Variants in STIM1 observed in about 807,000 individuals in gnomAD.
STIM1 encodes the protein stromal interaction molecule 1.
STIM1 carries 25 observed loss-of-function variants against 74.7 expected under a neutral mutation model. The observed-to-expected ratio is 0.33, with a 90% CI of 0.24 to 0.47. STIM1 has a LOEUF of 0.47. STIM1 is among the 20% of genes least tolerant of loss of function. The probability of loss-of-function intolerance (pLI) is 1.00; values close to 1 mark genes in which losing one functional copy is unlikely to be tolerated. For missense variants in STIM1, 728 were observed against 920.8 expected, an observed-to-expected ratio of 0.79 and a Z score of 2.71; for synonymous variants, 328 against 348.8, an observed-to-expected ratio of 0.94 and a Z score of 0.66.
intron 2 of STIM1, among the ~76,000 whole-genome samples, chr11:4,000,169 C>G (rs1350975829): frequency 6.7e-6 from 1 of 149,300 alleles, no homozygotes; most frequent in Admixed American, 6.7e-5. Flanking sequence ...CACAGACAAA[C>G]AAAAAGACAG....
chr11:4,082,249 G>A lies in STIM1; in HGVS notation c.1035G>A (p.Glu345=), dbSNP rs1409158034. 6.2e-7 allele frequency: 1 copy of A among 1,614,082 alleles called. No homozygotes were observed. The highest frequency in any genetic ancestry group is 1.1e-5 in the South Asian group (1 of 91,086). The change falls in exon 8 of 13, where the codon GAG becomes GAA. Residue 345 remains glutamate (E), a synonymous_variant. Coordinates refer to ENST00000526596, the MANE Select transcript of STIM1 (RefSeq NM_001382567.1). ...CTCACAGCTCATGGTATGCTCCAGA[G>A]GCCCTTCAGAAGTGGCTGCAGCTGA... ...LESHSSWYAP[E]ALQKWLQLTH...
intron 3 of STIM1, among the ~76,000 whole-genome samples, chr11:4,045,453 AT>A (rs568849786): frequency 0.015 from 2,080 of 142,604 alleles, 27 homozygotes; most frequent in African/African-American, 0.039. Flanking sequence ...TTCCATCAGC[AT>A]TTTTTTTTTT....
intron 5 of STIM1, among the ~76,000 whole-genome samples, chr11:4,063,361 T>C (rs1248972160): frequency 1.3e-5 from 2 of 152,216 alleles, no homozygotes; most frequent in African/African-American, 4.8e-5. Flanking sequence ...ATAATTGCAT[T>C]TTTTACAAGT....
At chr11:3,949,644 AG>A (rs753001156) in intron 1 of STIM1, among the ~76,000 whole-genome samples, 17 of 152,206 alleles carry the variant, frequency 1.1e-4, no homozygotes, top group Non-Finnish European at 1.9e-4. Flanking sequence ...ATCACTGTTA[AG>A]GGAGTTTGGG....
chr11:3,876,206 G>A (rs2135295286), intron 1 of STIM1, among the ~76,000 whole-genome samples: 1 of 152,292 alleles, frequency 6.6e-6, no homozygotes, highest in East Asian at 1.9e-4. Flanking sequence ...CTTAGTGGGT[G>A]GCTGGAGCCA....
intron 2 of STIM1, among the ~76,000 whole-genome samples, chr11:4,004,434 T>C (rs2093755531): frequency 6.6e-6 from 1 of 150,870 alleles, no homozygotes; most frequent in Non-Finnish European, 1.5e-5. Flanking sequence ...TAACGCCGCA[T>C]ATCTACAACT....
intron 2 of STIM1, among the ~76,000 whole-genome samples, chr11:4,022,786 T>C (rs984603847): frequency 8.5e-5 from 13 of 152,218 alleles, no homozygotes; most frequent in African/African-American, 2.9e-4. Context: ...CCACATGATA[T>C]CTCCAGCAGG....
At chr11:4,029,087 T>C (rs1222452292) in intron 3 of STIM1, among the ~76,000 whole-genome samples, 3 of 151,780 alleles carry the variant, frequency 2.0e-5, no homozygotes, top group South Asian at 2.1e-4. Flanking sequence ...GCTCGGGAGA[T>C]TGAGGCAGGA....
chr11:3,989,702 T>A (rs1280746294), intron 2 of STIM1, among the ~76,000 whole-genome samples: 1 of 152,258 alleles, frequency 6.6e-6, no homozygotes, highest in Non-Finnish European at 1.5e-5. Context: ...CTGTAAAGTT[T>A]TATTGGCATA....
intron 1 of STIM1, among the ~76,000 whole-genome samples, chr11:3,952,295 C>G (rs2093159195): frequency 6.6e-6 from 1 of 152,070 alleles, no homozygotes; most frequent in Non-Finnish European, 1.5e-5. Flanking sequence ...TGCCTGTGGT[C>G]TCAGCTATTT....
intron 5 of STIM1, among the ~76,000 whole-genome samples, chr11:4,065,472 T>A (rs2094359401): frequency 7.7e-6 from 1 of 129,712 alleles, no homozygotes; most frequent in African/African-American, 3.0e-5. Context: ...CCTTTGTACT[T>A]TTTTTTTTTT....
chr11:4,079,298 G>A (rs935642918), intron 7 of STIM1, among the ~76,000 whole-genome samples: 11 of 142,882 alleles, frequency 7.7e-5, no homozygotes, highest in East Asian at 2.2e-4. Flanking sequence ...GGCTGGGCAC[G>A]GTGGCTCATG....
chr11:3,956,365 C>G (rs1451058739), intron 1 of STIM1, among the ~76,000 whole-genome samples: 1 of 151,990 alleles, frequency 6.6e-6, no homozygotes, highest in Non-Finnish European at 1.5e-5. Context: ...AGTGAGGTGT[C>G]AAGGCTTCTG....
At chr11:3,901,303 T>C (rs941224731) in intron 1 of STIM1, among the ~76,000 whole-genome samples, 1 of 152,220 alleles carries the variant, frequency 6.6e-6, no homozygotes, top group Non-Finnish European at 1.5e-5. Context: ...TTTAATATGA[T>C]AAGGAAAGGT....
At chr11:3,863,199 C>T (rs769026726) in intron 1 of STIM1, among the ~76,000 whole-genome samples, 35 of 150,726 alleles carry the variant, frequency 2.3e-4, no homozygotes, top group Non-Finnish European at 3.5e-4. Context: ...TGGCCACACA[C>T]GTATATATTT....
chr11:3,974,083 C>T lies in STIM1; in HGVS notation c.270+6401C>T, dbSNP rs192851152. On this transcript the variant is annotated intron_variant, in intron 2 of 12. Transcript: ENST00000526596. ...TGACAAACCCAAAGCCCCTGGAGCA[C>T]TTGGTATTTGGATCTCTCATTACCA... is the stretch of plus-strand genomic sequence containing the variant. The T allele has an allele frequency of 1.1e-4, 78 of 703,714 alleles. 1 individual carries two copies. The East Asian group carries it at 1.8e-3, about 16-fold the overall frequency. The allele number at this position is 703,714 out of a possible 1,614,324, so 43.6% of individuals were successfully genotyped here.
At position 3,944,536 on chromosome 11, in the gene STIM1, A is replaced by G. The variant is rs368993900; in HGVS notation, c.140-23016A>G. Among the ~76,000 whole-genome samples, 3 of 152,314 alleles carry G rather than the reference A, an allele frequency of 2.0e-5. No individual in the cohort carries two copies. In the East Asian group the frequency reaches 5.8e-4, roughly 29 times the overall value. ...ATGGTCAGAGAAATCTACAGTTTTT[A>G]ACTCTTCATCAATACTATGTTTTGG... On this transcript the variant is annotated intron_variant, in intron 1 of 12. Transcript: ENST00000526596.
At chr11:3,989,504 C>G in intron 2 of STIM1, 2 of 599,454 alleles carry the variant, frequency 3.3e-6, no homozygotes, top group Non-Finnish European at 6.3e-6. Context: ...CTGTGAGCCG[C>G]GGCGCACCGA....
At chr11:3,974,179 C>G (rs946838898) in intron 2 of STIM1, 19 of 537,876 alleles carry the variant, frequency 3.5e-5, no homozygotes, top group African/African-American at 2.8e-4. Context: ...AAGCTCAACT[C>G]TCTGATGAAG....
Sources: allele counts gnomAD v4.1 joint callset (sites outside exome capture counted in the v4.1 genomes callset), GRCh38; gene constraint gnomAD v4.1.1; transcripts MANE v1.5; gene names NCBI Gene and HGNC (gene_info 2026-07-23, HGNC 2026-07-21).